ZFAND3: variants seen among roughly 807,000 people sequenced by gnomAD.
The protein encoded by ZFAND3 is AN1-type zinc finger protein 3.
In ZFAND3, 10 loss-of-function variants were observed where a neutral mutation model predicts 29.6. The ratio of observed to expected loss-of-function variants is 0.34; its 90% CI spans 0.21 to 0.57. ZFAND3 has a LOEUF of 0.57. ZFAND3 is among the 20% of genes least tolerant of loss of function. ZFAND3 has a pLI of 0.86. For missense variants in ZFAND3, 230 were observed against 304.5 expected, an observed-to-expected ratio of 0.76 and a Z score of 1.82; for synonymous variants, 128 against 112.6, an observed-to-expected ratio of 1.14 and a Z score of -0.87.
rs139285326 is a variant in ZFAND3, at chr6:37,823,601, C to T, written c.71+3585C>T. Among the ~76,000 whole-genome samples, 370 of 152,212 alleles carry T rather than the reference C, an allele frequency of 2.4e-3. 1 individual carries two copies. Among genetic ancestry groups the T allele is most frequent in the Non-Finnish European group, 4.6e-3 (313 of 68,018 alleles). On this transcript the variant is annotated intron_variant, in intron 1 of 5. Coordinates refer to ENST00000287218, the MANE Select transcript of ZFAND3 (RefSeq NM_021943.3). ...CCAAGAGGAGTGTACAATTCAAATG[C>T]GTTAGTGCTTGTAACACGTGGTTCC...
In ZFAND3 at chr6:37,963,380, C is replaced by T. The variant is rs1016145120; in HGVS notation, c.112+33381C>T. On this transcript the variant is annotated intron_variant, in intron 2 of 5. Transcript: ENST00000287218. ...GAGGGAAGTTCATAGCTATTAGTGC[C>T]TACATAGAAAAGAATAAAAACTTCA... Among the ~76,000 whole-genome samples, 15 of 152,058 alleles carry T rather than the reference C, an allele frequency of 9.9e-5. No individual in the cohort carries two copies. The South Asian group carries it at 3.1e-3, about 31-fold the overall frequency.
At chr6:38,000,646 CTTGTCCCTCCCAT>C (rs1423632040) in intron 2 of ZFAND3, among the ~76,000 whole-genome samples, 1 of 152,168 alleles carries the variant, frequency 6.6e-6, no homozygotes, top group African/African-American at 2.4e-5. Flanking sequence ...TTACCTCCCA[CTTGTCCCTCCCAT>C]GACACGTAGG....
At chr6:37,848,790 A>G (rs78628616) in intron 1 of ZFAND3, among the ~76,000 whole-genome samples, 1 of 151,614 alleles carries the variant, frequency 6.6e-6, no homozygotes, top group Non-Finnish European at 1.5e-5. Flanking sequence ...TTTCTTCCTC[A>G]AAATTTTTTT....
intron 5 of ZFAND3, among the ~76,000 whole-genome samples, chr6:38,142,828 C>G (rs1344453293): frequency 6.6e-6 from 1 of 152,192 alleles, no homozygotes; most frequent in Admixed American, 6.5e-5. Context: ...TTTGAAAGAG[C>G]AAGTCATTTC....
intron 2 of ZFAND3, among the ~76,000 whole-genome samples, chr6:38,031,601 A>G (rs908947800): frequency 2.6e-5 from 4 of 152,150 alleles, no homozygotes; most frequent in Non-Finnish European, 5.9e-5. Flanking sequence ...TCCTGACTCT[A>G]TCACTTCCTA....
At chr6:38,040,563 A>G (rs1204409429) in intron 2 of ZFAND3, among the ~76,000 whole-genome samples, 1 of 152,230 alleles carries the variant, frequency 6.6e-6, no homozygotes, top group Admixed American at 6.5e-5. Context: ...ATTTAAAAAC[A>G]TAAATCTTTT....
chr6:37,906,714 T>A lies in ZFAND3; in HGVS notation c.72-23245T>A, dbSNP rs78654882. ...ACTTACTTTCTGTTTTTTTTTTTTT[T>A]AATTAAATTTTATAGCCACCCTAGT... On this transcript the variant is annotated intron_variant, in intron 1 of 5. Transcript: ENST00000287218. 7.9e-5 allele frequency among the ~76,000 whole-genome samples: 12 copies of A among 151,670 alleles called. No homozygotes were observed. The East Asian group carries it at 2.1e-3, about 27-fold the overall frequency.
At chr6:38,105,928 C>T (rs904355006) in intron 4 of ZFAND3, among the ~76,000 whole-genome samples, 4 of 151,902 alleles carry the variant, frequency 2.6e-5, no homozygotes, top group Non-Finnish European at 4.4e-5. Context: ...CTGAGCTGAC[C>T]ATTGACATTT....
At chr6:37,859,066 A>G (rs1307073182) in intron 1 of ZFAND3, among the ~76,000 whole-genome samples, 1 of 152,260 alleles carries the variant, frequency 6.6e-6, no homozygotes, top group Non-Finnish European at 1.5e-5. Context: ...AACAAGGAGC[A>G]GCATGTTGTG....
chr6:37,973,460 G>C (rs1014235435), intron 2 of ZFAND3, among the ~76,000 whole-genome samples: 10 of 152,202 alleles, frequency 6.6e-5, no homozygotes, highest in Non-Finnish European at 1.5e-4. Flanking sequence ...AGCACTGTCT[G>C]ATGCAACTTT....
intron 2 of ZFAND3, among the ~76,000 whole-genome samples, chr6:37,985,499 C>CCACACA (rs5875607): frequency 0.15 from 21,695 of 141,514 alleles, 1,634 homozygotes; most frequent in East Asian, 0.21. Flanking sequence ...GCTTGTGGTT[C>CCACACA]CACACACACA....
At chr6:37,890,440 C>CA (rs754135864) in intron 1 of ZFAND3, among the ~76,000 whole-genome samples, 6 of 152,176 alleles carry the variant, frequency 3.9e-5, no homozygotes, top group Non-Finnish European at 5.9e-5. Flanking sequence ...CTTGTTCTGA[C>CA]ACTGTTACTA....
intron 5 of ZFAND3, among the ~76,000 whole-genome samples, chr6:38,138,238 A>G (rs1765880493): frequency 6.6e-6 from 1 of 152,232 alleles, no homozygotes; most frequent in Admixed American, 6.5e-5. Context: ...TCAAGAATAC[A>G]TAAAAATAGA....
chr6:38,120,332 T>TC (rs1765508563), intron 5 of ZFAND3, among the ~76,000 whole-genome samples: 1 of 119,714 alleles, frequency 8.4e-6, no homozygotes. Flanking sequence ...TTTTTTTTTT[T>TC]TTTTTTTTTT....
At chr6:38,116,397 C>G (rs971719830) in intron 4 of ZFAND3, among the ~76,000 whole-genome samples, 175 bp from the exon 5 acceptor site, 1 of 152,208 alleles carries the variant, frequency 6.6e-6, no homozygotes, top group Non-Finnish European at 1.5e-5. Flanking sequence ...ACTAAAGGTA[C>G]ACGTTTGTCA....
chr6:38,037,133 T>G (rs1252639524), intron 2 of ZFAND3, among the ~76,000 whole-genome samples: 4 of 152,262 alleles, frequency 2.6e-5, no homozygotes, highest in Non-Finnish European at 5.9e-5. Context: ...ACTCAATCTT[T>G]TAGTGAATAG....
intron 4 of ZFAND3, among the ~76,000 whole-genome samples, chr6:38,097,249 A>ATTTTT (rs1190146160): frequency 4.1e-4 from 51 of 123,446 alleles, no homozygotes; most frequent in East Asian, 3.9e-3. Context: ...TTAATTTTTC[A>ATTTTT]TTTTTTTTTT....
rs116076303 is a variant in ZFAND3 at position 37,883,077 on chromosome 6, G to C, written c.72-46882G>C. Among the ~76,000 whole-genome samples the C allele has an allele frequency of 5.7e-3, 868 of 152,182 alleles. 8 individuals carry two copies. The highest frequency in any genetic ancestry group is 0.02 in the African/African-American group (832 of 41,520). On this transcript the variant is annotated intron_variant, in intron 1 of 5. Transcript: ENST00000287218. ...CTACAAAAAAATTTAAAAACAATTAGCTCGGTATAGAGTTGTGCACCTGTA... is the reference window on the plus strand; with the variant it reads ...CTACAAAAAAATTTAAAAACAATTACCTCGGTATAGAGTTGTGCACCTGTA...
At chr6:37,993,976 T>A (rs1762805707) in intron 2 of ZFAND3, among the ~76,000 whole-genome samples, 1 of 152,334 alleles carries the variant, frequency 6.6e-6, no homozygotes, top group East Asian at 1.9e-4. Flanking sequence ...AGATAAATCG[T>A]TATCGAACTA....
Sources: gnomAD v4.1 joint callset for allele counts (sites outside exome capture counted in the v4.1 genomes callset) on GRCh38, gnomAD v4.1.1 for gene constraint, MANE v1.5 for transcripts, NCBI Gene and HGNC (gene_info 2026-07-23, HGNC 2026-07-21) for gene names.